The following DICER1 variants were observed in gnomAD, a reference collection of about 807,000 sequenced individuals.
DICER1 encodes the protein dicer 1, ribonuclease III.
Under a neutral mutation model 194.1 loss-of-function variants are expected in DICER1, and 43 were observed. The ratio of observed to expected loss-of-function variants is 0.22; its 90% CI spans 0.17 to 0.29. The LOEUF (loss-of-function observed/expected upper bound fraction) is 0.29, where lower values mean the gene tolerates loss of function less well. Among genes scored for constraint, DICER1 ranks in the 10% least tolerant of loss-of-function variants. The probability of loss-of-function intolerance (pLI) is 1.00; values close to 1 mark genes in which losing one functional copy is unlikely to be tolerated. For missense variants in DICER1, 1,608 were observed against 2,317.0 expected, an observed-to-expected ratio of 0.69 and a Z score of 6.28; for synonymous variants, 832 against 820.5, an observed-to-expected ratio of 1.01 and a Z score of -0.24.
chr14:95,130,334 C>G (rs895009956), intron 4 of DICER1, 142 bp from the exon 5 acceptor site: 1 of 765,528 alleles, frequency 1.3e-6, no homozygotes, highest in African/African-American at 1.8e-5. Context: ...ATACTAAATA[C>G]ATATAATTTT....
intron 1 of DICER1, among the ~76,000 whole-genome samples, chr14:95,150,539 T>G (rs535513268): frequency 1.5e-4 from 23 of 152,314 alleles, no homozygotes; most frequent in African/African-American, 5.5e-4. Context: ...CAGGCGAAAC[T>G]CTACTGAATG....
intron 21 of DICER1, among the ~76,000 whole-genome samples, chr14:95,101,509 G>A (rs189880171): frequency 2.6e-5 from 4 of 152,220 alleles, no homozygotes; most frequent in South Asian, 2.1e-4. Context: ...CTACAAAACC[G>A]TATCTGAATC....
rs540320424 is a variant in DICER1, at chr14:95,092,047, G to T, written c.5365-682C>A. Among the ~76,000 whole-genome samples the T allele has an allele frequency of 2.6e-5, 4 of 152,212 alleles. No individual in the cohort carries two copies. In the East Asian group the frequency reaches 5.8e-4, roughly 22 times the overall value. ...TAAGGAGGTAACTAGATACATAAGC[G>T]TATTTATCACCTCCATGGTTATTAA... On this transcript the variant is annotated intron_variant, in intron 24 of 26. Transcript: ENST00000343455.
Position 95,105,142 on chromosome 14 carries a change from A to G in DICER1, c.3198T>C (p.Thr1066=), listed in dbSNP as rs114964211. The part of the protein sequence containing the change: ...SILYRLHCLL[T]AEELRAQTAS... Reference sequence around the variant, plus strand: ...CAGTCTGGGCTCTTAGCTCCTCTGCAGTCAAAAGGCAGTGAAGGCGATAAA... The same window carrying G: ...CAGTCTGGGCTCTTAGCTCCTCTGCGGTCAAAAGGCAGTGAAGGCGATAAA... The change falls in exon 20 of 27, where the codon ACT becomes ACC. Residue 1066 remains threonine (T), a synonymous_variant. Transcript: ENST00000343455. This position sits in a 1 kb window ranked among gnomAD's most constrained non-coding sequence, Gnocchi z 4.9. 3,988 of 1,614,196 alleles carry G rather than the reference A, an allele frequency of 2.5e-3. 76 individuals are homozygous for G. The African/African-American group carries it at 0.046, about 18-fold the overall frequency.
intron 17 of DICER1, among the ~76,000 whole-genome samples, chr14:95,107,336 C>A (rs756815765): frequency 1.3e-5 from 2 of 151,862 alleles, no homozygotes; most frequent in Non-Finnish European, 2.9e-5. Context: ...CTGCAATCTC[C>A]GCCTCCTAGC....
In DICER1 at chr14:95,105,968, C is replaced by CCT; in HGVS notation, c.2987+71_2987+72dup. ...CACGGGTGGGCAGGGGGACAGTGAA[C>CCT]CTCTGCATGTCTAGTGATGTCTGGT... On this transcript the variant is annotated intron_variant, in intron 18 of 26. Coordinates refer to ENST00000343455, the MANE Select transcript of DICER1 (RefSeq NM_177438.3). This position sits in a 1 kb window ranked among gnomAD's most constrained non-coding sequence, Gnocchi z 4.9. 1 of 1,544,878 alleles carries CCT rather than the reference C, an allele frequency of 6.5e-7. No homozygotes were observed. Among genetic ancestry groups the CCT allele is most frequent in the Non-Finnish European group, 8.9e-7 (1 of 1,117,442 alleles).
Position 95,099,523 on chromosome 14 carries a change from T to C in DICER1, c.4206+257A>G, listed in dbSNP as rs140891457. On this transcript the variant is annotated intron_variant, in intron 22 of 26. Coordinates refer to ENST00000343455, the MANE Select transcript of DICER1 (RefSeq NM_177438.3). ...CTCAAAGTCAAAACATCACATACTCTTATGCCTTTGGAAAAGAAATAATAA... is the reference window on the plus strand; with the variant it reads ...CTCAAAGTCAAAACATCACATACTCCTATGCCTTTGGAAAAGAAATAATAA... Among the ~76,000 whole-genome samples the C allele has an allele frequency of 7.8e-3, 1,194 of 152,160 alleles. 19 individuals carry two copies. The highest frequency in any genetic ancestry group is 0.026 in the African/African-American group (1,072 of 41,532).
In DICER1 at chr14:95,124,106, T is replaced by C. The variant is rs1893173444; in HGVS notation, c.1376+90A>G. On this transcript the variant is annotated intron_variant, in intron 8 of 26. Coordinates refer to ENST00000343455, the MANE Select transcript of DICER1 (RefSeq NM_177438.3). This position sits in a 1 kb window ranked among gnomAD's most constrained non-coding sequence, Gnocchi z 4.5. ...GTCAAGGACACTTACATAACCCTCA[T>C]GCTAGCTCTTACAGCTGCTGCAGCG... 1 of 931,102 alleles carries C rather than the reference T, an allele frequency of 1.1e-6. No individual in the cohort carries two copies. The highest frequency in any genetic ancestry group is 1.7e-6 in the Non-Finnish European group (1 of 582,468). 57.7% of individuals were successfully genotyped at this position (931,102 alleles called of 1,614,324 possible). A position where few individuals can be genotyped will look rare whatever the true frequency, so the allele number is the denominator to read the frequency against.
chr14:95,104,564 A>G (rs1352046751), intron 20 of DICER1, among the ~76,000 whole-genome samples: 2 of 152,260 alleles, frequency 1.3e-5, no homozygotes, highest in Admixed American at 6.5e-5. Context: ...CACAGGGTAC[A>G]GCATTTAAGC....
rs1566756435 is a variant in DICER1 at position 95,096,557 on chromosome 14, T to C, written c.4363A>G (p.Asn1455Asp). The C allele has an allele frequency of 6.2e-7, 1 of 1,613,674 alleles. No homozygotes were observed. Among genetic ancestry groups the C allele is most frequent in the African/African-American group, 1.3e-5 (1 of 74,950 alleles). ...AAAGCTCCTGACCCCATTAACATAT[T>C]ATCTATAAATCTGATATGTTCCTGA... ...YDQEHIRFID[N>D]MLMGSGAFVK... Residue 1455 changes from asparagine to aspartate, a missense_variant, in exon 23 of 27, where the codon AAT (asparagine) becomes GAT (aspartate). Transcript: ENST00000343455.
At position 95,131,202 on chromosome 14, in the gene DICER1, G is replaced by T. The variant is rs113650812; in HGVS notation, c.438+307C>A. The stretch of plus-strand genomic sequence containing the variant: ...ACCACGCCCGGCTAATTTTTTTATT[G>T]TTAGTAGAGACAGGGTTTCACCATA... On this transcript the variant is annotated intron_variant, in intron 4 of 26. Coordinates refer to ENST00000343455, the MANE Select transcript of DICER1 (RefSeq NM_177438.3). Among the ~76,000 whole-genome samples the T allele has an allele frequency of 0.035, 5,290 of 151,824 alleles. 334 individuals carry two copies. Among genetic ancestry groups the T allele is most frequent in the African/African-American group, 0.12 (5,048 of 41,366 alleles).
chr14:95,138,767 T>C (rs529781365), intron 1 of DICER1, among the ~76,000 whole-genome samples: 1 of 124,692 alleles, frequency 8.0e-6, no homozygotes, highest in Non-Finnish European at 1.6e-5. Context: ...AATTGAACAA[T>C]GAGATCACAT....
intron 20 of DICER1, among the ~76,000 whole-genome samples, chr14:95,104,334 G>A (rs979765189): frequency 4.6e-5 from 7 of 152,152 alleles, no homozygotes; most frequent in African/African-American, 1.7e-4. Context: ...CCTGGCCCTA[G>A]ACTCTAGGTG....
chr14:95,105,297 AG>A lies in DICER1; in HGVS notation c.3094-52del, dbSNP rs1891318597. ...GATAAATACAAAGCGCACACACAAA[AG>A]AAAAAAAAAAAGACCAATTTCACTA... On this transcript the variant is annotated intron_variant, in intron 19 of 26. Transcript: ENST00000343455. The surrounding 1 kb of genome is among the most constrained non-coding windows in gnomAD (Gnocchi z 4.9). The A allele has an allele frequency of 4.0e-6, 6 of 1,511,218 alleles. No homozygotes were observed. In the African/African-American group the frequency reaches 4.2e-5, roughly 11 times the overall value. The allele number at this position is 1,511,218 out of a possible 1,614,324, so 93.6% of individuals were successfully genotyped here.
chr14:95,140,427 C>A (rs778946662), intron 1 of DICER1, among the ~76,000 whole-genome samples: 11 of 152,040 alleles, frequency 7.2e-5, no homozygotes, highest in Non-Finnish European at 2.9e-5. Flanking sequence ...AGGTTAGTAG[C>A]CTAGGAACAA....
intron 21 of DICER1, among the ~76,000 whole-genome samples, chr14:95,102,422 A>T (rs1890962917): frequency 6.6e-6 from 1 of 152,188 alleles, no homozygotes; most frequent in Non-Finnish European, 1.5e-5. Context: ...CCAGCATTCA[A>T]GGCCTTCCAC....
chr14:95,130,437 C>T lies in DICER1; in HGVS notation c.439-245G>A, dbSNP rs558644855. Among the ~76,000 whole-genome samples, 55 of 152,296 alleles carry T rather than the reference C, an allele frequency of 3.6e-4. 1 individual carries two copies. The highest frequency in any genetic ancestry group is 5.9e-4 in the Admixed American group (9 of 15,308). On this transcript the variant is annotated intron_variant, in intron 4 of 26. Transcript: ENST00000343455. ...TGGAAAGCATGTCTTGACGACAAAT[C>T]TAAATTTACTTCAGGTTCTTAGATC...
rs764001016 is a variant in DICER1, at chr14:95,108,460, G to T, written c.2300C>A (p.Pro767His). ...CATTCCTATCACATACAGGTAACAG[G>T]GCTGATCAGGTCTGGGATAACTATC... ...LRDSYPRPDQPCYLYVIGMVL... is the reference protein window; with the variant it reads ...LRDSYPRPDQHCYLYVIGMVL... Residue 767 changes from proline to histidine, a missense_variant, in exon 15 of 27, where the codon CCC becomes CAC. This residue lies in a region of DICER1 where 657 missense variants were observed against 910.1 expected (regional missense o/e 0.72). Transcript: ENST00000343455. 6.2e-7 allele frequency: 1 copy of T among 1,614,076 alleles called. No individual in the cohort carries two copies. The highest frequency in any genetic ancestry group is 1.7e-5 in the Admixed American group (1 of 60,026).
intron 11 of DICER1, 109 bp from the exon 12 acceptor site, chr14:95,113,333 A>T (rs1330627831): frequency 4.6e-6 from 5 of 1,079,884 alleles, no homozygotes; most frequent in Non-Finnish European, 7.0e-6. Context: ...CTGAATTTGT[A>T]TTTATATGTG....
Sources: gnomAD v4.1 joint callset for allele counts (sites outside exome capture counted in the v4.1 genomes callset) on GRCh38, gnomAD v4.1.1 for gene constraint, gnomAD v4.1.1 regional missense constraint, Gnocchi (gnomAD v3.1) non-coding constraint, MANE v1.5 for transcripts, NCBI Gene and HGNC (gene_info 2026-07-23, HGNC 2026-07-21) for gene names.